GPALPP1: variants seen among roughly 807,000 people sequenced by gnomAD.
GPALPP1 encodes the protein GPALPP motifs-containing protein 1.
A neutral mutation model predicts 38.9 loss-of-function variants in GPALPP1; 30 were observed. The ratio of observed to expected loss-of-function variants is 0.77; its 90% CI spans 0.58 to 1.05. The LOEUF is 1.05. Ranked by LOEUF, GPALPP1 falls within the 50% of genes least tolerant of loss-of-function variation. The pLI, the probability that GPALPP1 is intolerant of heterozygous loss-of-function variation, is 0.00. For missense variants in GPALPP1, 384 were observed against 408.8 expected, an observed-to-expected ratio of 0.94 and a Z score of 0.52; for synonymous variants, 120 against 139.2, an observed-to-expected ratio of 0.86 and a Z score of 0.97.
chr13:45,027,097 T>C (rs893676402), intron 7 of GPALPP1, among the ~76,000 whole-genome samples: 18 of 152,308 alleles, frequency 1.2e-4, no homozygotes, highest in South Asian at 8.3e-4. Flanking sequence ...ATACCCCAGA[T>C]TGAAGGCTGC....
chr13:44,996,215 C>T (rs900071588), intron 1 of GPALPP1, among the ~76,000 whole-genome samples: 1 of 151,974 alleles, frequency 6.6e-6, no homozygotes, highest in African/African-American at 2.4e-5. Context: ...ATTAGCCAGG[C>T]ATGGTAGCAT....
intron 4 of GPALPP1, among the ~76,000 whole-genome samples, chr13:45,009,798 G>A (rs1874347938): frequency 6.6e-6 from 1 of 152,158 alleles, no homozygotes; most frequent in Non-Finnish European, 1.5e-5. Flanking sequence ...CAGTGTGGCA[G>A]GCACATAGTC....
intron 1 of GPALPP1, 56 bp downstream of exon 1, chr13:44,989,798 G>C (rs1872644515): frequency 3.0e-6 from 4 of 1,354,842 alleles, no homozygotes; most frequent in Non-Finnish European, 4.2e-6. Context: ...CCCTGGCCGG[G>C]CCCTGCTCGC....
rs1003544619 is a variant in GPALPP1, at chr13:45,030,180, C to G, written c.*2177C>G. The G allele has an allele frequency of 1.3e-5, 2 of 152,140 alleles. No homozygotes were observed. The highest frequency in any genetic ancestry group is 4.8e-5 in the African/African-American group (2 of 41,422). 9.4% of individuals were successfully genotyped at this position (152,140 alleles called of 1,614,324 possible). A position where few individuals can be genotyped will look rare whatever the true frequency, so the allele number is the denominator to read the frequency against. On this transcript the variant is annotated 3_prime_UTR_variant, in exon 8 of 8. Coordinates refer to ENST00000379151, the MANE Select transcript of GPALPP1 (RefSeq NM_018559.5). ...TGGAAAATTTATAATCATAACCCCC[C>G]TAATTGGGAGTATTATAAGTTTGTA... is the stretch of plus-strand genomic sequence containing the variant.
chr13:45,034,839 TGA>T (rs1336061959), downstream of GPALPP1: 5 of 149,002 alleles, frequency 3.4e-5, no homozygotes, highest in Non-Finnish European at 7.4e-5. Context: ...CAGGTTCAAG[TGA>T]TTCTCCTGCC....
Position 45,015,445 on chromosome 13 carries a change from C to T in GPALPP1, c.554C>T (p.Pro185Leu), listed in dbSNP as rs1227982732. 2 of 1,585,102 alleles carry T rather than the reference C, an allele frequency of 1.3e-6. No homozygotes were observed. Among genetic ancestry groups the T allele is most frequent in the Admixed American group, 1.9e-5 (1 of 53,230 alleles). The part of the protein sequence containing the change: ...LTKGDDDSSK[P>L]IVRESWMTEL... ...TTTCTCTTAAAGGATTCATCTAAAC[C>T]CATTGTAAGAGAGTCATGGATGACT... is the stretch of plus-strand genomic sequence containing the variant. Residue 185 changes from proline (P) to leucine (L), a missense_variant, in exon 6 of 8, where the codon CCC becomes CTC. By Grantham distance (98) the Pro-to-Leu change is moderately conservative (BLOSUM62 -3). Coordinates refer to ENST00000379151, the MANE Select transcript of GPALPP1 (RefSeq NM_018559.5).
chr13:44,997,201 T>C (rs1458373993), intron 1 of GPALPP1, among the ~76,000 whole-genome samples: 1 of 152,066 alleles, frequency 6.6e-6, no homozygotes, highest in Admixed American at 6.6e-5. Context: ...CTGAATCCAG[T>C]CTGTTATCTG....
At chr13:45,031,672 C>G (rs1214387762), downstream of GPALPP1, 2 of 152,062 alleles carry the variant, frequency 1.3e-5, no homozygotes, top group Admixed American at 1.3e-4. Flanking sequence ...AAATGTAAGG[C>G]CAGTTTCAGA....
chr13:44,997,401 C>G (rs1593383527), intron 1 of GPALPP1, among the ~76,000 whole-genome samples: 1 of 152,292 alleles, frequency 6.6e-6, no homozygotes, highest in Middle Eastern at 3.4e-3. Context: ...AATATTTTCT[C>G]AAGAGCGATC....
chr13:45,008,731 C>G (rs1874269940), intron 3 of GPALPP1, 64 bp from the exon 4 acceptor site: 1 of 855,612 alleles, frequency 1.2e-6, no homozygotes, highest in Non-Finnish European at 1.9e-6. Context: ...TTTTTGTGAA[C>G]TTTTATTCTT....
chr13:45,008,797 C>A lies in GPALPP1; in HGVS notation c.326C>A (p.Pro109His). The change falls in exon 4 of 8, where the codon CCC becomes CAC. Residue 109 changes from proline to histidine, a missense_variant and splice_region_variant. Pro to His is a moderately conservative substitution (Grantham distance 77). Coordinates refer to ENST00000379151, the MANE Select transcript of GPALPP1 (RefSeq NM_018559.5). ...TAAAAGTACATTTTATTTTTCAGGC[C>A]CATAATAGGTCCTGCATTGCCACCT... The part of the protein sequence containing the change: ...FKKQDDSPPR[P>H]IIGPALPPGF... 1.3e-6 allele frequency: 2 copies of A among 1,519,268 alleles called. No individual in the cohort carries two copies. Among genetic ancestry groups the A allele is most frequent in the Non-Finnish European group, 1.8e-6 (2 of 1,094,976 alleles). 94.1% of individuals were successfully genotyped at this position (1,519,268 alleles called of 1,614,324 possible).
intron 4 of GPALPP1, among the ~76,000 whole-genome samples, chr13:45,014,310 A>G (rs1466230011): frequency 6.6e-6 from 1 of 152,228 alleles, no homozygotes; most frequent in Non-Finnish European, 1.5e-5. Flanking sequence ...TGTCTGTAAC[A>G]TCAGAAAGCT....
intron 4 of GPALPP1, among the ~76,000 whole-genome samples, chr13:45,011,091 G>T (rs1874441302): frequency 6.6e-6 from 1 of 152,184 alleles, no homozygotes; most frequent in Non-Finnish European, 1.5e-5. Flanking sequence ...AAGGAACATT[G>T]TTCCAGAGAG....
intron 4 of GPALPP1, among the ~76,000 whole-genome samples, chr13:45,012,630 A>C (rs944847596): frequency 3.3e-5 from 5 of 152,178 alleles, no homozygotes; most frequent in Non-Finnish European, 5.9e-5. Flanking sequence ...CCTTGGTGGT[A>C]CACATTCTAC....
chr13:45,027,206 A>G (rs1465490443), intron 7 of GPALPP1, among the ~76,000 whole-genome samples: 1 of 152,146 alleles, frequency 6.6e-6, no homozygotes, highest in Non-Finnish European at 1.5e-5. Context: ...AGTGGTCTGT[A>G]GTCAATCCCT....
At position 45,030,179 on chromosome 13, in the gene GPALPP1, C is replaced by T. The variant is rs1876124860; in HGVS notation, c.*2176C>T. 6.6e-6 allele frequency: 1 copy of T among 152,038 alleles called. No individual in the cohort carries two copies. Among genetic ancestry groups the T allele is most frequent in the Admixed American group, 6.5e-5 (1 of 15,268 alleles). 9.4% of individuals were successfully genotyped at this position (152,038 alleles called of 1,614,324 possible). A position where few individuals can be genotyped will look rare whatever the true frequency, so the allele number is the denominator to read the frequency against. ...ATGGAAAATTTATAATCATAACCCC[C>T]CTAATTGGGAGTATTATAAGTTTGT... is the stretch of plus-strand genomic sequence containing the variant. On this transcript the variant is annotated 3_prime_UTR_variant, in exon 8 of 8. Coordinates refer to ENST00000379151, the MANE Select transcript of GPALPP1 (RefSeq NM_018559.5).
At chr13:44,997,506 A>G (rs1873378227) in intron 1 of GPALPP1, among the ~76,000 whole-genome samples, 1 of 151,898 alleles carries the variant, frequency 6.6e-6, no homozygotes, top group Non-Finnish European at 1.5e-5. Context: ...CTTCACCTCC[A>G]CTAATTTCAC....
chr13:44,994,372 C>T (rs1000634541), intron 1 of GPALPP1, among the ~76,000 whole-genome samples: 2 of 151,922 alleles, frequency 1.3e-5, no homozygotes, highest in Non-Finnish European at 2.9e-5. Context: ...CACCTGAGGT[C>T]AGGAATTCGA....
Position 44,989,613 on chromosome 13 carries a change from C to T in GPALPP1, c.-42C>T, listed in dbSNP as rs1053912724. On this transcript the variant is annotated 5_prime_UTR_variant, in exon 1 of 8. Transcript: ENST00000379151. ...ATTCTTTTTGGATAGGGTTGACGTT[C>T]GTGGATAGACTCATATCTGTGACCA... 2.6e-6 allele frequency: 4 copies of T among 1,547,308 alleles called. No individual in the cohort carries two copies. The African/African-American group carries it at 5.4e-5, about 21-fold the overall frequency.
Sources: allele counts gnomAD v4.1 joint callset (sites outside exome capture counted in the v4.1 genomes callset), GRCh38; gene constraint gnomAD v4.1.1; transcripts MANE v1.5; gene names NCBI Gene and HGNC (gene_info 2026-07-23, HGNC 2026-07-21).